The following ITPR2 variants were observed in gnomAD, a reference collection of about 807,000 sequenced individuals.
ITPR2 encodes inositol 1,4,5-trisphosphate-gated calcium channel ITPR2.
Under a neutral mutation model 317.1 loss-of-function variants are expected in ITPR2, and 207 were observed. That is an observed-to-expected ratio of 0.65 (90% CI 0.58 to 0.73). ITPR2 has a LOEUF of 0.73. Ranked by LOEUF, ITPR2 falls within the 30% of genes least tolerant of loss-of-function variation. The pLI is 0.00. For missense variants in ITPR2, 2,613 were observed against 3,284.0 expected, an observed-to-expected ratio of 0.80 and a Z score of 4.99; for synonymous variants, 1,156 against 1,149.1, an observed-to-expected ratio of 1.01 and a Z score of -0.12.
Position 26,656,635 on chromosome 12 carries a change from A to G in ITPR2, c.2193-87T>C, listed in dbSNP as rs546020008. On this transcript the variant is annotated intron_variant, in intron 18 of 56. Transcript: ENST00000381340. The stretch of plus-strand genomic sequence containing the variant: ...GTACCAATCAGTATCTATGTTTAAG[A>G]CACCTGTATTTCCAAGCATTCATGA... 1.6e-4 allele frequency: 222 copies of G among 1,351,284 alleles called. No homozygotes were observed. In the African/African-American group the frequency reaches 2.9e-3, roughly 18 times the overall value. 83.7% of individuals were successfully genotyped at this position (1,351,284 alleles called of 1,614,324 possible). A position where few individuals can be genotyped will look rare whatever the true frequency, so the allele number is the denominator to read the frequency against.
intron 54 of ITPR2, among the ~76,000 whole-genome samples, chr12:26,391,617 C>T (rs780196323): frequency 1.7e-4 from 21 of 124,762 alleles, no homozygotes; most frequent in Admixed American, 3.1e-4. Context: ...CAGGCTGGAG[C>T]GCAGTGGTGC....
intron 19 of ITPR2, 152 bp downstream of exon 19, chr12:26,656,145 C>G: frequency 9.8e-7 from 1 of 1,016,664 alleles, no homozygotes; most frequent in Non-Finnish European, 1.4e-6. Flanking sequence ...TTTCACCCTT[C>G]AAAACGAGTA....
At chr12:26,361,177 T>C (rs2136578760) in intron 55 of ITPR2, among the ~76,000 whole-genome samples, 1 of 149,744 alleles carries the variant, frequency 6.7e-6, no homozygotes, top group Non-Finnish European at 1.5e-5. Flanking sequence ...ATGGCACCAC[T>C]GCACTCCAGC....
intron 45 of ITPR2, among the ~76,000 whole-genome samples, chr12:26,447,169 A>G (rs951113020): frequency 3.9e-5 from 6 of 151,956 alleles, no homozygotes; most frequent in African/African-American, 7.3e-5. Context: ...GTTGAAATCA[A>G]TGAAGAAATG....
At chr12:26,790,074 A>G in intron 2 of ITPR2, 83 bp downstream of exon 2, 1 of 886,716 alleles carries the variant, frequency 1.1e-6, no homozygotes, top group Non-Finnish European at 1.9e-6. Flanking sequence ...CATTGAATAA[A>G]GTTTTAACAT....
chr12:26,444,970 C>A (rs979359180), intron 45 of ITPR2, among the ~76,000 whole-genome samples: 1 of 152,052 alleles, frequency 6.6e-6, no homozygotes, highest in African/African-American at 2.4e-5. Flanking sequence ...ATTTTTATTA[C>A]AAACCACAGT....
At chr12:26,341,226 T>G (rs1294688479) in intron 55 of ITPR2, among the ~76,000 whole-genome samples, 5 of 152,206 alleles carry the variant, frequency 3.3e-5, no homozygotes, top group Non-Finnish European at 7.3e-5. Context: ...AAGCTGGGAT[T>G]TGAAGCCTCT....
At chr12:26,743,669 G>A (rs1206418134) in intron 2 of ITPR2, among the ~76,000 whole-genome samples, 1 of 152,090 alleles carries the variant, frequency 6.6e-6, no homozygotes, top group African/African-American at 2.4e-5. Context: ...GAGGCGGGGG[G>A]ATCACCTGAG....
chr12:26,509,958 T>TTTTTTGTGTGTGTGTG (rs1247091708), intron 37 of ITPR2, among the ~76,000 whole-genome samples: 1 of 53,262 alleles, frequency 1.9e-5, no homozygotes, highest in East Asian at 5.9e-4. Context: ...GATAAGGGTT[T>TTTTTTGTGTGTGTGTG]TGTGTGTGTG....
chr12:26,436,488 G>T, intron 47 of ITPR2, 142 bp from the exon 48 acceptor site: 1 of 701,452 alleles, frequency 1.4e-6, no homozygotes, highest in Non-Finnish European at 2.2e-6. Flanking sequence ...TATTTGACTT[G>T]AGTAAGTTTA....
chr12:26,732,758 G>A (rs1949047662), intron 2 of ITPR2, among the ~76,000 whole-genome samples: 1 of 152,124 alleles, frequency 6.6e-6, no homozygotes, highest in South Asian at 2.1e-4. Context: ...ATCTGTCTCT[G>A]TTTAAATGCT....
chr12:26,521,866 C>T (rs1034647543), intron 37 of ITPR2, among the ~76,000 whole-genome samples: 1 of 152,050 alleles, frequency 6.6e-6, no homozygotes, highest in Non-Finnish European at 1.5e-5. Flanking sequence ...ATGAGCTATC[C>T]CTACATCACT....
intron 45 of ITPR2, among the ~76,000 whole-genome samples, chr12:26,452,555 G>A (rs1196012942): frequency 6.6e-6 from 1 of 152,148 alleles, no homozygotes; most frequent in Non-Finnish European, 1.5e-5. Context: ...GTGTGGTGGT[G>A]TTGGGAGGTA....
At chr12:26,560,019 T>C (rs140100332) in intron 35 of ITPR2, among the ~76,000 whole-genome samples, 37 of 152,336 alleles carry the variant, frequency 2.4e-4, no homozygotes, top group African/African-American at 8.7e-4. Context: ...CAGAAGAGCA[T>C]AGACCCCATG....
At chr12:26,714,589 G>A (rs1948704950) in intron 8 of ITPR2, among the ~76,000 whole-genome samples, 3 of 151,866 alleles carry the variant, frequency 2.0e-5, no homozygotes, top group African/African-American at 4.8e-5. Flanking sequence ...ATATTAAAGG[G>A]AGTGTCACAA....
chr12:26,391,556 C>CTTTTTTTTT (rs1555117374), intron 54 of ITPR2, among the ~76,000 whole-genome samples: 4 of 98,598 alleles, frequency 4.1e-5, no homozygotes, highest in Non-Finnish European at 3.8e-5. Flanking sequence ...TCTTCTTTTC[C>CTTTTTTTTT]TTTTTTTTTT....
chr12:26,604,674 C>T (rs1946081689), intron 26 of ITPR2, among the ~76,000 whole-genome samples: 1 of 152,164 alleles, frequency 6.6e-6, no homozygotes, highest in Admixed American at 6.5e-5. Context: ...AGAGCTATAT[C>T]GCCTAGCTAT....
intron 21 of ITPR2, among the ~76,000 whole-genome samples, chr12:26,649,873 T>C (rs1276855890): frequency 2.6e-5 from 4 of 152,292 alleles, no homozygotes; most frequent in South Asian, 2.1e-4. Flanking sequence ...TATAGATAGA[T>C]AGACAGATAG....
At chr12:26,376,074 G>T (rs528053539) in intron 55 of ITPR2, among the ~76,000 whole-genome samples, 1 of 152,144 alleles carries the variant, frequency 6.6e-6, no homozygotes, top group Non-Finnish European at 1.5e-5. Flanking sequence ...GCAAAAGGGC[G>T]AGACCCGGTC....
Sources: allele counts gnomAD v4.1 joint callset (sites outside exome capture counted in the v4.1 genomes callset), GRCh38; gene constraint gnomAD v4.1.1; transcripts MANE v1.5; gene names NCBI Gene and HGNC (gene_info 2026-07-23, HGNC 2026-07-21).